DIS3L2: variants seen among roughly 807,000 people sequenced by gnomAD.
DIS3L2 encodes the protein DIS3 like 3'-5' exoribonuclease 2, also known as DIS3-like exonuclease 2.
A neutral mutation model predicts 97.5 loss-of-function variants in DIS3L2; 34 were observed. That is an observed-to-expected ratio of 0.35 (90% CI 0.27 to 0.46). The LOEUF (loss-of-function observed/expected upper bound fraction) is 0.46. Among genes scored for constraint, DIS3L2 ranks in the 20% least tolerant of loss-of-function variants. The pLI, the probability that DIS3L2 is intolerant of heterozygous loss-of-function variation, is 1.00. For missense variants in DIS3L2, 1,038 were observed against 1,146.0 expected, an observed-to-expected ratio of 0.91 and a Z score of 1.36; for synonymous variants, 435 against 445.2, an observed-to-expected ratio of 0.98 and a Z score of 0.29.
rs74903890 is a variant in DIS3L2, at chr2:232,283,186, A to G, written c.1660-16854A>G. 5.7e-3 allele frequency among the ~76,000 whole-genome samples: 863 copies of G among 152,330 alleles called. 5 individuals carry two copies. The highest frequency in any genetic ancestry group is 0.019 in the African/African-American group (799 of 41,572). ...CCTCAAGCCTTTTACCCTTGTTTAG[A>G]GATGAGGAAACTGAGACTTGAGCTT... On this transcript the variant is annotated intron_variant, in intron 13 of 20. Coordinates refer to ENST00000325385, the MANE Select transcript of DIS3L2 (RefSeq NM_152383.5).
At position 232,268,908 on chromosome 2, in the gene DIS3L2, T is replaced by C. The variant is rs953664937; in HGVS notation, c.1659+5468T>C. ...TTAGGTAAATTATTCCTTTGATTAG[T>C]ACCATGCTTATCCAGTCCAATGGGA... is the stretch of plus-strand genomic sequence containing the variant. On this transcript the variant is annotated intron_variant, in intron 13 of 20. Coordinates refer to ENST00000325385, the MANE Select transcript of DIS3L2 (RefSeq NM_152383.5). This position sits in a 1 kb window ranked among gnomAD's most constrained non-coding sequence, Gnocchi z 4.1. Among the ~76,000 whole-genome samples the C allele has an allele frequency of 3.3e-5, 5 of 152,244 alleles. No homozygotes were observed. Among genetic ancestry groups the C allele is most frequent in the Admixed American group, 2.0e-4 (3 of 15,288 alleles).
At chr2:232,099,315 A>T (rs1253034681) in intron 6 of DIS3L2, among the ~76,000 whole-genome samples, 1 of 151,888 alleles carries the variant, frequency 6.6e-6, no homozygotes, top group Admixed American at 6.6e-5. Context: ...TCTTGGGTTC[A>T]AGTGATTCTC....
At chr2:232,031,511 T>C (rs953014804) in intron 5 of DIS3L2, among the ~76,000 whole-genome samples, 2 of 150,944 alleles carry the variant, frequency 1.3e-5, no homozygotes, top group African/African-American at 4.9e-5. Context: ...TTTTTTTTTT[T>C]ATATTATACC....
At chr2:232,265,270 C>T (rs1559182425) in intron 13 of DIS3L2, among the ~76,000 whole-genome samples, 1 of 152,156 alleles carries the variant, frequency 6.6e-6, no homozygotes. Flanking sequence ...CTTCTGTCCA[C>T]CACTTTAGGG....
rs1693962944 is a variant in DIS3L2 at position 232,270,647 on chromosome 2, T to C, written c.1659+7207T>C. Among the ~76,000 whole-genome samples the C allele has an allele frequency of 2.0e-5, 3 of 152,244 alleles. No individual in the cohort carries two copies. In the South Asian group the frequency reaches 6.2e-4, roughly 32 times the overall value. On this transcript the variant is annotated intron_variant, in intron 13 of 20. Coordinates refer to ENST00000325385, the MANE Select transcript of DIS3L2 (RefSeq NM_152383.5). ...TTTGACCTGATCTCTGATTATTTTCTTAGGACAGTCTTAGAACTGTGATGA... is the reference window on the plus strand; with the variant it reads ...TTTGACCTGATCTCTGATTATTTTCCTAGGACAGTCTTAGAACTGTGATGA...
intron 5 of DIS3L2, among the ~76,000 whole-genome samples, chr2:232,085,297 T>C (rs760917477): frequency 1.3e-5 from 2 of 152,208 alleles, no homozygotes; most frequent in African/African-American, 4.8e-5. Flanking sequence ...CTTTTGATTG[T>C]GTTCACTGTT....
chr2:232,302,753 G>A (rs1575005273), intron 14 of DIS3L2, among the ~76,000 whole-genome samples: 1 of 151,822 alleles, frequency 6.6e-6, no homozygotes, highest in Non-Finnish European at 1.5e-5. Context: ...TAGAGATGGG[G>A]TTTCACCATA....
rs182344787 is a variant in DIS3L2, at chr2:232,076,947, C to T, written c.367-10540C>T. On this transcript the variant is annotated intron_variant, in intron 5 of 20. Transcript: ENST00000325385. ...GATGCTACAAGGCATTTTGCCATTC[C>T]TCTGCCAACACAAGGCCTGTGTTCC... Among the ~76,000 whole-genome samples the T allele has an allele frequency of 6.6e-5, 10 of 152,294 alleles. No homozygotes were observed. The East Asian group carries it at 1.7e-3, about 26-fold the overall frequency.
chr2:232,012,873 T>G (rs1694247270), intron 1 of DIS3L2, among the ~76,000 whole-genome samples: 1 of 152,200 alleles, frequency 6.6e-6, no homozygotes, highest in South Asian at 2.1e-4. Context: ...CTTGGCAATC[T>G]TATCCATTCT....
chr2:232,315,761 A>G (rs561996102), intron 14 of DIS3L2, among the ~76,000 whole-genome samples: 1 of 152,196 alleles, frequency 6.6e-6, no homozygotes, highest in African/African-American at 2.4e-5. Flanking sequence ...AGAGTGACTC[A>G]GAGCAAGCGC....
chr2:231,977,948 C>A (rs543360549), intron 1 of DIS3L2, among the ~76,000 whole-genome samples: 1 of 152,150 alleles, frequency 6.6e-6, no homozygotes, highest in East Asian at 1.9e-4. Flanking sequence ...ATTGCCCTTT[C>A]TTGTATCCCT....
downstream of DIS3L2, among the ~76,000 whole-genome samples, chr2:232,340,515 C>T (rs1395196872): frequency 3.3e-5 from 5 of 152,294 alleles, no homozygotes; most frequent in South Asian, 2.1e-4. Context: ...GCAAAATGAA[C>T]GGTCTCTGGG....
chr2:232,012,513 T>TG (rs933328642), intron 1 of DIS3L2, among the ~76,000 whole-genome samples: 1 of 152,218 alleles, frequency 6.6e-6, no homozygotes, highest in African/African-American at 2.4e-5. Flanking sequence ...TTTGGGTTGC[T>TG]GGCAGTTTGC....
At chr2:231,975,536 AC>A (rs1693057064) in intron 1 of DIS3L2, among the ~76,000 whole-genome samples, 1 of 151,738 alleles carries the variant, frequency 6.6e-6, no homozygotes. Flanking sequence ...CTCCATCTCT[AC>A]TAAAAAAATG....
rs117236401 is a variant in DIS3L2, at chr2:232,217,156, A to G, written c.1204+6751A>G. On this transcript the variant is annotated intron_variant, in intron 10 of 20. Coordinates refer to ENST00000325385, the MANE Select transcript of DIS3L2 (RefSeq NM_152383.5). ...GCGCCTGGCCACAACACCTCTTTCT[A>G]TGAGACAGAGAGGCAAGACATAGTT... 4.6e-5 allele frequency among the ~76,000 whole-genome samples: 7 copies of G among 152,266 alleles called. 1 individual carries two copies. The East Asian group carries it at 1.2e-3, about 25-fold the overall frequency.
In DIS3L2 at chr2:232,045,743, C is replaced by T. The variant is rs559550723; in HGVS notation, c.366+15663C>T. On this transcript the variant is annotated intron_variant, in intron 5 of 20. Transcript: ENST00000325385. The stretch of plus-strand genomic sequence containing the variant: ...AGGCTGGAGTGCAGTGGTGCGATCT[C>T]GGCTCACTGCAACCTCCACCTCCTG... Among the ~76,000 whole-genome samples the T allele has an allele frequency of 9.9e-4, 142 of 144,084 alleles. 1 individual carries two copies. The highest frequency in any genetic ancestry group is 1.5e-3 in the Non-Finnish European group (103 of 66,990). The allele number at this position is 144,084 out of a possible 152,430, so 94.5% of individuals were successfully genotyped here. A position where few individuals can be genotyped will look rare whatever the true frequency, so the allele number is the denominator to read the frequency against.
chr2:232,195,834 GC>G (rs1181220757), intron 9 of DIS3L2, among the ~76,000 whole-genome samples: 1 of 152,110 alleles, frequency 6.6e-6, no homozygotes, highest in African/African-American at 2.4e-5. Context: ...GCTCCTGGCT[GC>G]ATATCTCTTA....
intron 13 of DIS3L2, among the ~76,000 whole-genome samples, chr2:232,271,135 G>A (rs1053446938): frequency 6.6e-6 from 1 of 152,180 alleles, no homozygotes; most frequent in Non-Finnish European, 1.5e-5. Context: ...GAAAGAGGTG[G>A]TTGACAGTAT....
chr2:232,064,861 A>G lies in DIS3L2; in HGVS notation c.367-22626A>G, dbSNP rs562961540. On this transcript the variant is annotated intron_variant, in intron 5 of 20. Coordinates refer to ENST00000325385, the MANE Select transcript of DIS3L2 (RefSeq NM_152383.5). ...TGTTATTCTCTGATGTGTCTGTGTA[A>G]GTCTTTTATACATTTTTGGCTTTCA... Among the ~76,000 whole-genome samples the G allele has an allele frequency of 5.3e-5, 8 of 152,216 alleles. No homozygotes were observed. The South Asian group carries it at 1.7e-3, about 32-fold the overall frequency.
Sources: allele counts gnomAD v4.1 joint callset (sites outside exome capture counted in the v4.1 genomes callset), GRCh38; gene constraint gnomAD v4.1.1; non-coding constraint Gnocchi (gnomAD v3.1); transcripts MANE v1.5; gene names NCBI Gene and HGNC (gene_info 2026-07-23, HGNC 2026-07-21).